Variants in GSK3B observed in about 807,000 individuals in gnomAD.
GSK3B encodes glycogen synthase kinase 3 beta, also known as glycogen synthase kinase-3 beta.
In GSK3B, 15 loss-of-function variants were observed where a neutral mutation model predicts 56.4. That is an observed-to-expected ratio of 0.27 (90% CI 0.18 to 0.41). The LOEUF (loss-of-function observed/expected upper bound fraction) is 0.41. Ranked by LOEUF, GSK3B falls within the 10% of genes least tolerant of loss-of-function variation. The pLI is 1.00. For synonymous variants in GSK3B, 181 were observed against 188.9 expected, an observed-to-expected ratio of 0.96 and a Z score of 0.34; for missense variants, 300 against 513.4, an observed-to-expected ratio of 0.58 and a Z score of 4.02.
chr3:119,867,246 G>A (rs887538782), intron 8 of GSK3B, among the ~76,000 whole-genome samples: 5 of 152,092 alleles, frequency 3.3e-5, no homozygotes, highest in African/African-American at 4.8e-5. Context: ...TCAGGCCACC[G>A]CGGATTATTC....
intron 9 of GSK3B, among the ~76,000 whole-genome samples, chr3:119,846,704 G>A (rs903005847): frequency 5.3e-5 from 8 of 152,104 alleles, no homozygotes; most frequent in African/African-American, 1.7e-4. Flanking sequence ...GTGTAAATTA[G>A]TTCAATTGTG....
At position 120,009,160 on chromosome 3, in the gene GSK3B, C is replaced by T. The variant is rs530022688; in HGVS notation, c.89-6921G>A. Among the ~76,000 whole-genome samples the T allele has an allele frequency of 2.2e-4, 33 of 152,134 alleles. No homozygotes were observed. The South Asian group carries it at 6.2e-3, about 29-fold the overall frequency. On this transcript the variant is annotated intron_variant, in intron 1 of 10. Transcript: ENST00000264235. ...TACCATCTCATGCCAGTTAGAATAG[C>T]GATCATTAAAAAGTCAGGAAACAAC...
At chr3:120,031,304 T>C (rs138419793) in intron 1 of GSK3B, among the ~76,000 whole-genome samples, 2 of 152,254 alleles carry the variant, frequency 1.3e-5, no homozygotes, top group African/African-American at 4.8e-5. Context: ...GAAACGTAGA[T>C]AAAAATCTCT....
intron 9 of GSK3B, among the ~76,000 whole-genome samples, chr3:119,846,213 C>T (rs143421304): frequency 0.016 from 2,428 of 152,244 alleles, 62 homozygotes; most frequent in African/African-American, 0.055. Context: ...GAAACCTAGG[C>T]AATATCATTC....
At position 120,062,279 on chromosome 3, in the gene GSK3B, T is replaced by C. The variant is rs192030564; in HGVS notation, c.88+31068A>G. Reference sequence around the variant, plus strand: ...AATATTCATAGTCAGAATAATCACATATTAGACTTGTTTAAAGTATGTTAC... The same window carrying C: ...AATATTCATAGTCAGAATAATCACACATTAGACTTGTTTAAAGTATGTTAC... On this transcript the variant is annotated intron_variant, in intron 1 of 10. Coordinates refer to ENST00000264235, the MANE Select transcript of GSK3B (RefSeq NM_001146156.2). Among the ~76,000 whole-genome samples, 11 of 152,336 alleles carry C rather than the reference T, an allele frequency of 7.2e-5. No individual in the cohort carries two copies. In the East Asian group the frequency reaches 1.9e-3, roughly 27 times the overall value.
At chr3:119,890,836 G>A (rs2056493701) in intron 7 of GSK3B, among the ~76,000 whole-genome samples, 1 of 150,710 alleles carries the variant, frequency 6.6e-6, no homozygotes, top group South Asian at 2.1e-4. Context: ...CTATTTATAA[G>A]GCTAGCATTA....
chr3:120,061,105 T>C (rs1357707085), intron 1 of GSK3B, among the ~76,000 whole-genome samples: 1 of 152,238 alleles, frequency 6.6e-6, no homozygotes, highest in Non-Finnish European at 1.5e-5. Context: ...TCAATTCCTA[T>C]TTTGTGTGCT....
intron 6 of GSK3B, among the ~76,000 whole-genome samples, chr3:119,907,671 C>T (rs1172515821): frequency 6.6e-6 from 1 of 152,118 alleles, no homozygotes; most frequent in Non-Finnish European, 1.5e-5. Flanking sequence ...CATTTTGTTT[C>T]ATATTTAACT....
intron 7 of GSK3B, among the ~76,000 whole-genome samples, chr3:119,893,889 C>T (rs1468207336): frequency 1.3e-5 from 2 of 150,916 alleles, no homozygotes; most frequent in African/African-American, 4.9e-5. Context: ...AAAAAAAAAG[C>T]TTTACTGTAC....
At chr3:119,985,328 T>A (rs2057505722) in intron 2 of GSK3B, among the ~76,000 whole-genome samples, 1 of 152,186 alleles carries the variant, frequency 6.6e-6, no homozygotes, top group Non-Finnish European at 1.5e-5. Flanking sequence ...TGTTGGAAGT[T>A]CTGGTCAGGG....
intron 1 of GSK3B, among the ~76,000 whole-genome samples, chr3:120,021,203 C>T (rs2057873921): frequency 6.6e-6 from 1 of 152,084 alleles, no homozygotes; most frequent in Non-Finnish European, 1.5e-5. Flanking sequence ...CTTCTAGATG[C>T]CATTAAGAAT....
intron 2 of GSK3B, among the ~76,000 whole-genome samples, chr3:119,955,428 AT>A (rs2057204176): frequency 6.6e-6 from 1 of 152,176 alleles, no homozygotes; most frequent in African/African-American, 2.4e-5. Flanking sequence ...CAATCTTTAA[AT>A]GTTTTACAGT....
intron 2 of GSK3B, among the ~76,000 whole-genome samples, chr3:119,959,886 G>C (rs1256163305): frequency 6.6e-6 from 1 of 151,812 alleles, no homozygotes; most frequent in Admixed American, 6.6e-5. Flanking sequence ...AAATCCTGTT[G>C]GCTCAACCTT....
At chr3:119,905,696 A>G (rs1279726777) in intron 7 of GSK3B, 59 bp downstream of exon 7, 1 of 943,940 alleles carries the variant, frequency 1.1e-6, no homozygotes, top group Non-Finnish European at 1.8e-6. Flanking sequence ...TGTGATATAT[A>G]TTATTAAAGT....
At chr3:120,033,129 T>C (rs956917768) in intron 1 of GSK3B, among the ~76,000 whole-genome samples, 2 of 152,222 alleles carry the variant, frequency 1.3e-5, no homozygotes, top group African/African-American at 4.8e-5. Flanking sequence ...GCTTGGCTTC[T>C]TTTACTTAGA....
intron 3 of GSK3B, among the ~76,000 whole-genome samples, chr3:119,939,822 C>T (rs928559665): frequency 3.9e-5 from 6 of 152,010 alleles, no homozygotes; most frequent in African/African-American, 7.2e-5. Context: ...TAAATGTTGA[C>T]GGCTCAGGCT....
chr3:120,074,626 G>A (rs2058354577), intron 1 of GSK3B, among the ~76,000 whole-genome samples: 1 of 151,944 alleles, frequency 6.6e-6, no homozygotes, highest in South Asian at 2.1e-4. Context: ...CTGAGAAACT[G>A]TTACGAACAA....
At chr3:119,841,191 T>C (rs761826133) in intron 10 of GSK3B, among the ~76,000 whole-genome samples, 2 of 152,220 alleles carry the variant, frequency 1.3e-5, no homozygotes, top group Non-Finnish European at 2.9e-5. Context: ...TCTATAGCTG[T>C]AAAAATATAC....
intron 1 of GSK3B, among the ~76,000 whole-genome samples, chr3:120,033,983 T>C (rs2058000213): frequency 2.0e-5 from 3 of 152,230 alleles, no homozygotes; most frequent in Admixed American, 2.0e-4. Context: ...AAGAATAGAC[T>C]AATACATGCA....
Sources: allele counts gnomAD v4.1 joint callset (sites outside exome capture counted in the v4.1 genomes callset), GRCh38; gene constraint gnomAD v4.1.1; transcripts MANE v1.5; gene names NCBI Gene and HGNC (gene_info 2026-07-23, HGNC 2026-07-21).